Variants in SLC25A41 observed in about 807,000 individuals in gnomAD.
SLC25A41 encodes the protein mitochondrial carrier protein SCaMC-3L.
SLC25A41 carries 35 observed loss-of-function variants against 34.7 expected under a neutral mutation model. That is an observed-to-expected ratio of 1.01 (90% CI 0.77 to 1.34). The LOEUF is 1.34. Among genes scored for constraint, SLC25A41 ranks in the 40% most tolerant of loss-of-function variants. The pLI, the probability that SLC25A41 is intolerant of heterozygous loss-of-function variation, is 0.00. For synonymous variants in SLC25A41, 190 were observed against 209.9 expected (o/e 0.91, Z 0.82); for missense variants, 492 against 489.8 (o/e 1.00, Z -0.04).
upstream of SLC25A41, among the ~76,000 whole-genome samples, chr19:6,434,730 G>A (rs996069466): frequency 1.3e-5 from 2 of 152,070 alleles, no homozygotes; most frequent in African/African-American, 4.8e-5. Context: ...CTAACATAGT[G>A]AAACCCAGTC....
chr19:6,431,917 G>A, intron 2 of SLC25A41, 132 bp downstream of exon 2: 5 of 1,105,932 alleles, frequency 4.5e-6, no homozygotes, highest in Admixed American at 2.7e-5. Context: ...ATCTCAGCTA[G>A]TCCAGGAGAG....
At position 6,427,069 on chromosome 19, in the gene SLC25A41, G is replaced by T; in HGVS notation, c.940+34C>A. On this transcript the variant is annotated intron_variant, in intron 6 of 6. Transcript: ENST00000321510. This position sits in a 1 kb window ranked among gnomAD's most constrained non-coding sequence, Gnocchi z 4.9. Reference sequence around the variant, plus strand: ...AGACAGCCAGGGTGGGGCGGGGAAGGGGCATGCGTGGTGGCCGCTGGGGAC... The same window carrying T: ...AGACAGCCAGGGTGGGGCGGGGAAGTGGCATGCGTGGTGGCCGCTGGGGAC... 6.4e-7 allele frequency: 1 copy of T among 1,567,090 alleles called. No individual in the cohort carries two copies. Among genetic ancestry groups the T allele is most frequent in the East Asian group, 2.4e-5 (1 of 42,462 alleles).
At chr19:6,433,422 G>C (rs1393289572) in intron 1 of SLC25A41, 65 bp downstream of exon 1, 12 of 1,515,666 alleles carry the variant, frequency 7.9e-6, no homozygotes, top group Non-Finnish European at 1.1e-5. Context: ...GAGGGCGTGG[G>C]TAGCCTGGCC....
At position 6,429,994 on chromosome 19, in the gene SLC25A41, C is replaced by A; in HGVS notation, c.516+15G>T. The stretch of plus-strand genomic sequence containing the variant: ...TTGGGCTTGAGCTGGGGGAAGCAGG[C>A]CCCTCATTCCCCACCTGCTCGAATA... On this transcript the variant is annotated intron_variant, in intron 3 of 6. Transcript: ENST00000321510. 4.3e-6 allele frequency: 7 copies of A among 1,609,644 alleles called. No homozygotes were observed. Among genetic ancestry groups the A allele is most frequent in the South Asian group, 1.1e-5 (1 of 90,414 alleles).
In SLC25A41 at chr19:6,430,946, T is replaced by G. The variant is rs1471571033; in HGVS notation, c.364-785A>C. Among the ~76,000 whole-genome samples, 3 of 151,920 alleles carry G rather than the reference T, an allele frequency of 2.0e-5. No homozygotes were observed. In the East Asian group the frequency reaches 5.8e-4, roughly 30 times the overall value. On this transcript the variant is annotated intron_variant, in intron 2 of 6. Transcript: ENST00000321510. ...CTCCCACCTCAGCCTTCCAAGTAGC[T>G]GGGACTACAGGTGCGTGCTACCATG...
rs2092241817 is a variant in SLC25A41, at chr19:6,426,499, C to G, written c.1003G>C (p.Gly335Arg). Residue 335 changes from glycine to arginine, a missense_variant, in exon 7 of 7, where the codon GGC becomes CGC. Transcript: ENST00000321510. ...ATGCCTCGGTACAGCCCTAGCCAGC[C>G]CTGCTGGGCCAGGATCCGCTGGAGG... ...GVLQRILAQQGWLGLYRGMTP... is the reference protein window; with the variant it reads ...GVLQRILAQQRWLGLYRGMTP... 1.2e-6 allele frequency: 2 copies of G among 1,613,580 alleles called. No individual in the cohort carries two copies. The highest frequency in any genetic ancestry group is 1.7e-6 in the Non-Finnish European group (2 of 1,179,844).
upstream of SLC25A41, chr19:6,433,803 G>T: frequency 1.0e-6 from 1 of 975,736 alleles, no homozygotes; most frequent in Non-Finnish European, 1.5e-6. Flanking sequence ...AGAGGAGGAT[G>T]AAGTCACAAA....
chr19:6,432,725 C>T (rs1283003097), intron 1 of SLC25A41, among the ~76,000 whole-genome samples: 2 of 151,690 alleles, frequency 1.3e-5, no homozygotes, highest in Non-Finnish European at 1.5e-5. Flanking sequence ...CAAGTAGGGA[C>T]AATGGTGTGA....
chr19:6,433,452 A>G (rs375980196), intron 1 of SLC25A41, 35 bp downstream of exon 1: 1 of 1,602,990 alleles, frequency 6.2e-7, no homozygotes, highest in Non-Finnish European at 8.5e-7. Flanking sequence ...AGTCCTGACC[A>G]GAGGTGCCGG....
At chr19:6,432,673 C>T (rs530215885) in intron 1 of SLC25A41, among the ~76,000 whole-genome samples, 8 of 151,616 alleles carry the variant, frequency 5.3e-5, no homozygotes, top group African/African-American at 1.5e-4. Flanking sequence ...TCACTGCAAC[C>T]GCTGTCCCCC....
At chr19:6,431,414 T>C (rs1305140214) in intron 2 of SLC25A41, among the ~76,000 whole-genome samples, 1 of 150,832 alleles carries the variant, frequency 6.6e-6, no homozygotes, top group South Asian at 2.1e-4. Context: ...CTGCTTGAGG[T>C]AGCTCCAGTT....
rs1568348447 is a variant in SLC25A41, at chr19:6,427,377, A to G, written c.749T>C (p.Leu250Pro). The change falls in exon 5 of 7, where the codon CTC (leucine) becomes CCC (proline). Residue 250 changes from leucine (L) to proline (P), a missense_variant. Coordinates refer to ENST00000321510, the MANE Select transcript of SLC25A41 (RefSeq NM_173637.4). The surrounding 1 kb of genome is among the most constrained non-coding windows in gnomAD (Gnocchi z 4.9). Reference protein sequence around the residue: ...ALYRGYLPNMLGIIPYACTDL... With the variant: ...ALYRGYLPNMPGIIPYACTDL... ...GGTGCAGGCATAGGGGATGATGCCG[A>G]GCATATTGGGCAGGTAGCCGCGGTA... The G allele has an allele frequency of 6.2e-7, 1 of 1,611,818 alleles. No individual in the cohort carries two copies. The highest frequency in any genetic ancestry group is 8.5e-7 in the Non-Finnish European group (1 of 1,178,996).
In SLC25A41 at chr19:6,431,957, A is replaced by C. The variant is rs1042017126; in HGVS notation, c.363+92T>G. Reference sequence around the variant, plus strand: ...ACTCCAGCCAGCACTCCTATCCTGAACTCCATCCACGTCAACTCCATCTGT... The same window carrying C: ...ACTCCAGCCAGCACTCCTATCCTGACCTCCATCCACGTCAACTCCATCTGT... On this transcript the variant is annotated intron_variant, in intron 2 of 6. Transcript: ENST00000321510. 4 of 1,478,282 alleles carry C rather than the reference A, an allele frequency of 2.7e-6. 1 individual carries two copies. In the South Asian group the frequency reaches 5.4e-5, roughly 20 times the overall value. The allele number at this position is 1,478,282 out of a possible 1,614,324, so 91.6% of individuals were successfully genotyped here.
intron 4 of SLC25A41, among the ~76,000 whole-genome samples, chr19:6,429,044 ATATATTATATATATGTT>A (rs1568349336): frequency 2.6e-4 from 13 of 49,862 alleles, no homozygotes; most frequent in African/African-American, 1.6e-3. Context: ...TATATAATAT[ATATATTATATATATGTT>A]ATATATATAT....
Position 6,427,283 on chromosome 19 carries a change from T to G in SLC25A41, c.793-33A>C. 4.3e-6 allele frequency: 7 copies of G among 1,609,668 alleles called. No homozygotes were observed. The highest frequency in any genetic ancestry group is 3.3e-5 in the South Asian group (3 of 90,924). On this transcript the variant is annotated intron_variant, in intron 5 of 6. Transcript: ENST00000321510. This position sits in a 1 kb window ranked among gnomAD's most constrained non-coding sequence, Gnocchi z 4.9. ...AGAAGGGGGCCAGGAGAAAGCTCAC[T>G]AGGAGCCTGGGCTCCGGCCAGCCCT...
chr19:6,429,023 T>TTATATATA lies in SLC25A41; in HGVS notation c.624+693_624+700dup, dbSNP rs1188926856. On this transcript the variant is annotated intron_variant, in intron 4 of 6. Coordinates refer to ENST00000321510, the MANE Select transcript of SLC25A41 (RefSeq NM_173637.4). ...GAGCCAAGGTGTCTGGCCTGAAAAT[T>TTATATATA]TATATATATATATATAATATATATA... Among the ~76,000 whole-genome samples the TTATATATA allele has an allele frequency of 1.9e-4, 10 of 51,854 alleles. 1 individual carries two copies. The highest frequency in any genetic ancestry group is 9.3e-4 in the African/African-American group (9 of 9,678). 34.0% of individuals were successfully genotyped at this position (51,854 alleles called of 152,430 possible). A position where few individuals can be genotyped will look rare whatever the true frequency, so the allele number is the denominator to read the frequency against.
chr19:6,431,938 G>T, intron 2 of SLC25A41, 111 bp downstream of exon 2: 6 of 1,337,120 alleles, frequency 4.5e-6, no homozygotes, highest in Non-Finnish European at 5.1e-6. Context: ...CCCAACTCCA[G>T]CCAGCACTCC....
chr19:6,427,595 T>G lies in SLC25A41; in HGVS notation c.625-94A>C. Reference sequence around the variant, plus strand: ...GTCCCCACCCTACAAACAAGGAAAATGAGGCTCAGGAAGGCAAAGAGCTGG... The same window carrying G: ...GTCCCCACCCTACAAACAAGGAAAAGGAGGCTCAGGAAGGCAAAGAGCTGG... On this transcript the variant is annotated intron_variant, in intron 4 of 6. Coordinates refer to ENST00000321510, the MANE Select transcript of SLC25A41 (RefSeq NM_173637.4). The surrounding 1 kb of genome is among the most constrained non-coding windows in gnomAD (Gnocchi z 4.9). 2 of 1,352,250 alleles carry G rather than the reference T, an allele frequency of 1.5e-6. No homozygotes were observed. The highest frequency in any genetic ancestry group is 6.6e-5 in the Admixed American group (2 of 30,338). The allele number at this position is 1,352,250 out of a possible 1,614,324, so 83.8% of individuals were successfully genotyped here.
At chr19:6,434,208 G>A (rs2092298312), upstream of SLC25A41, among the ~76,000 whole-genome samples, 2 of 152,170 alleles carry the variant, frequency 1.3e-5, no homozygotes, top group Non-Finnish European at 2.9e-5. Context: ...CTCCCAAAGT[G>A]CTGGGATTAC....
Sources: gnomAD v4.1 joint callset for allele counts (sites outside exome capture counted in the v4.1 genomes callset) on GRCh38, gnomAD v4.1.1 for gene constraint, Gnocchi (gnomAD v3.1) non-coding constraint, MANE v1.5 for transcripts, NCBI Gene and HGNC (gene_info 2026-07-23, HGNC 2026-07-21) for gene names.